Variants in LEPR observed in about 807,000 individuals in gnomAD.
LEPR encodes the protein leptin receptor, also known as OB receptor.
In LEPR, 56 loss-of-function variants were observed where a neutral mutation model predicts 114.7. The ratio of observed to expected loss-of-function variants is 0.49; its 90% confidence interval spans 0.39 to 0.61. The LOEUF is 0.61. Ranked by LOEUF, LEPR falls within the 20% of genes least tolerant of loss-of-function variation. The pLI is 0.00. For synonymous variants in LEPR, 443 were observed against 461.4 expected, an observed-to-expected ratio of 0.96 and a Z score of 0.51; for missense variants, 1,202 against 1,352.9, an observed-to-expected ratio of 0.89 and a Z score of 1.75.
At chr1:65,472,645 C>CACAT (rs1238306839) in intron 2 of LEPR, among the ~76,000 whole-genome samples, 1 of 142,000 alleles carries the variant, frequency 7.0e-6, no homozygotes, top group Non-Finnish European at 1.6e-5. Flanking sequence ...CACACACACA[C>CACAT]ACATATATTT....
chr1:65,592,248 A>ATTTTTTTT (rs58700529), intron 5 of LEPR, among the ~76,000 whole-genome samples: 1 of 117,752 alleles, frequency 8.5e-6, no homozygotes, highest in Non-Finnish European at 1.8e-5. Context: ...ATCTGCTGTC[A>ATTTTTTTT]TTTTTTTTTT....
rs534127637 is a variant in LEPR at position 65,424,935 on chromosome 1, A to G, written c.-96-368A>G. The stretch of plus-strand genomic sequence containing the variant: ...GGGATGGAGCCGGGAAGGTTTCAAC[A>G]TGTGAATTTGAAAGGGACACACATA... On this transcript the variant is annotated intron_variant, in intron 1 of 19. Transcript: ENST00000349533. Among the ~76,000 whole-genome samples, 3 of 152,340 alleles carry G rather than the reference A, an allele frequency of 2.0e-5. No individual in the cohort carries two copies. In the South Asian group the frequency reaches 6.2e-4, roughly 32 times the overall value.
At chr1:65,436,164 G>A (rs1457181550) in intron 2 of LEPR, among the ~76,000 whole-genome samples, 1 of 152,186 alleles carries the variant, frequency 6.6e-6, no homozygotes, top group Non-Finnish European at 1.5e-5. Context: ...ACTTGCTGTA[G>A]TTGAAGAGAA....
chr1:65,586,807 CT>C (rs1655347567), intron 5 of LEPR, among the ~76,000 whole-genome samples: 1 of 151,684 alleles, frequency 6.6e-6, no homozygotes, highest in Admixed American at 6.6e-5. Flanking sequence ...TTACAGAAAG[CT>C]TTTTTAAAAA....
At chr1:65,488,733 A>G (rs1211955244) in intron 2 of LEPR, among the ~76,000 whole-genome samples, 1 of 151,740 alleles carries the variant, frequency 6.6e-6, no homozygotes, top group Non-Finnish European at 1.5e-5. Context: ...TTTTGCACCT[A>G]TTACTCATTT....
chr1:65,494,979 G>C (rs1052471600), intron 2 of LEPR, among the ~76,000 whole-genome samples: 1 of 151,994 alleles, frequency 6.6e-6, no homozygotes, highest in Admixed American at 6.6e-5. Context: ...TAAGGGAAAT[G>C]CTTTAGGATG....
At chr1:65,467,576 G>C (rs1263403575) in intron 2 of LEPR, among the ~76,000 whole-genome samples, 3 of 152,194 alleles carry the variant, frequency 2.0e-5, no homozygotes, top group East Asian at 3.9e-4. Context: ...AGAGCTGTCA[G>C]ATAGGGACGT....
chr1:65,507,923 T>C (rs539342394), intron 2 of LEPR, among the ~76,000 whole-genome samples: 5 of 152,312 alleles, frequency 3.3e-5, no homozygotes, highest in Non-Finnish European at 7.4e-5. Flanking sequence ...TTAATATGCA[T>C]TTCTCTGATA....
chr1:65,510,439 C>T (rs762370964), intron 2 of LEPR, among the ~76,000 whole-genome samples: 24 of 152,138 alleles, frequency 1.6e-4, no homozygotes, highest in Non-Finnish European at 3.1e-4. Flanking sequence ...TTAGAAGGGA[C>T]TCAGAACCTA....
At position 65,546,635 on chromosome 1, in the gene LEPR, T is replaced by G. The variant is rs545334756; in HGVS notation, c.-20-18911T>G. Among the ~76,000 whole-genome samples the G allele has an allele frequency of 2.6e-5, 4 of 152,342 alleles. No individual in the cohort carries two copies. In the East Asian group the frequency reaches 7.7e-4, roughly 29 times the overall value. ...GTCTGTTATTGGTGTATAAGAATGC[T>G]TGCGATTTTTGTACATTGATTTTGT... On this transcript the variant is annotated intron_variant, in intron 2 of 19. Transcript: ENST00000349533.
rs752565991 is a variant in LEPR, at chr1:65,636,134, A to G, written c.2674-57A>G. ...ACACTTCCATTTCTGCCAGTATGACATAATGAAGCAAAATTTTTTAACATA... is the reference window on the plus strand; with the variant it reads ...ACACTTCCATTTCTGCCAGTATGACGTAATGAAGCAAAATTTTTTAACATA... On this transcript the variant is annotated intron_variant, in intron 19 of 19. Transcript: ENST00000349533. 2.6e-4 allele frequency: 414 copies of G among 1,604,674 alleles called. 1 individual carries two copies. The highest frequency in any genetic ancestry group is 3.3e-4 in the Middle Eastern group (2 of 6,028).
intron 15 of LEPR, 79 bp from the exon 16 acceptor site, chr1:65,617,885 G>A (rs1657627363): frequency 2.2e-6 from 3 of 1,376,502 alleles, no homozygotes; most frequent in Non-Finnish European, 2.9e-6. Flanking sequence ...CCCTTTAGTA[G>A]GTTATAAGTT....
intron 2 of LEPR, chr1:65,434,428 A>G: frequency 2.0e-6 from 2 of 985,428 alleles, no homozygotes; most frequent in South Asian, 9.4e-5. Context: ...AATCTTATGA[A>G]GGGATTCTTT....
At chr1:65,463,367 G>T (rs891997387) in intron 2 of LEPR, among the ~76,000 whole-genome samples, 1 of 152,160 alleles carries the variant, frequency 6.6e-6, no homozygotes, top group Non-Finnish European at 1.5e-5. Context: ...CCTCTGTTCT[G>T]TTCCATTGAT....
At chr1:65,628,816 T>G (rs1250788205) in intron 19 of LEPR, among the ~76,000 whole-genome samples, 1 of 152,130 alleles carries the variant, frequency 6.6e-6, no homozygotes, top group African/African-American at 2.4e-5. Context: ...ATTTAAAATT[T>G]TTTGAAAAAA....
rs539865819 is a variant in LEPR at position 65,613,728 on chromosome 1, C to G, written c.1996-2280C>G. ...AGATTGCGCCATTGCAGTCCGCAGT[C>G]CGGCCTGGGCAACAGAGCGAGACTC... On this transcript the variant is annotated intron_variant, in intron 14 of 19. Transcript: ENST00000349533. 5.2e-3 allele frequency among the ~76,000 whole-genome samples: 240 copies of G among 46,568 alleles called. 8 individuals are homozygous for G. Among genetic ancestry groups the G allele is most frequent in the African/African-American group, 0.025 (225 of 9,174 alleles). 30.6% of individuals were successfully genotyped at this position (46,568 alleles called of 152,430 possible). A position where few individuals can be genotyped will look rare whatever the true frequency, so the allele number is the denominator to read the frequency against.
chr1:65,470,455 C>T (rs763315744), intron 2 of LEPR, among the ~76,000 whole-genome samples: 1 of 152,186 alleles, frequency 6.6e-6, no homozygotes, highest in East Asian at 1.9e-4. Context: ...TGGTGAGTAG[C>T]TCTAATCTCA....
chr1:65,529,170 ATTATGT>A, intron 2 of LEPR, among the ~76,000 whole-genome samples: 1 of 152,168 alleles, frequency 6.6e-6, no homozygotes, highest in African/African-American at 2.4e-5. Flanking sequence ...TTTGCTTAAC[ATTATGT>A]TTATGAGATT....
chr1:65,455,452 G>T (rs147922220), intron 2 of LEPR, among the ~76,000 whole-genome samples: 1,976 of 152,302 alleles, frequency 0.013, 24 homozygotes, highest in Non-Finnish European at 0.018. Flanking sequence ...ATGTACAGAT[G>T]GGTTTTTGGT....
Sources: allele counts gnomAD v4.1 joint callset (sites outside exome capture counted in the v4.1 genomes callset), GRCh38; gene constraint gnomAD v4.1.1; transcripts MANE v1.5; gene names NCBI Gene and HGNC (gene_info 2026-07-23, HGNC 2026-07-21).